The following ALG6 variants were observed in gnomAD, a reference collection of about 807,000 sequenced individuals.
ALG6 encodes the protein dolichyl pyrophosphate Man9GlcNAc2 alpha-1,3-glucosyltransferase.
Under a neutral mutation model 66.6 loss-of-function variants are expected in ALG6, and 46 were observed. The observed-to-expected ratio is 0.69, with a 90% CI of 0.55 to 0.88. The LOEUF is 0.88. Ranked by LOEUF, ALG6 falls within the 40% of genes least tolerant of loss-of-function variation. The probability of loss-of-function intolerance (pLI) is 0.00; values close to 1 mark genes in which losing one functional copy is unlikely to be tolerated. For missense variants in ALG6, 505 were observed against 586.8 expected (o/e 0.86, Z 1.44); for synonymous variants, 185 against 203.7 (o/e 0.91, Z 0.78).
chr1:63,433,505 G>T lies in ALG6; in HGVS notation c.1327-3318G>T, dbSNP rs1644659605. On this transcript the variant is annotated intron_variant, in intron 14 of 14. Coordinates refer to ENST00000263440, the MANE Select transcript of ALG6 (RefSeq NM_013339.4). The surrounding 1 kb of genome is among the most constrained non-coding windows in gnomAD (Gnocchi z 4.2). The stretch of plus-strand genomic sequence containing the variant: ...AGGTAGGAAGTTAAGAGGTGAACAG[G>T]AAAGACAAGGAGAGGATTAACTTTA... 6.6e-6 allele frequency among the ~76,000 whole-genome samples: 1 copy of T among 152,126 alleles called. No homozygotes were observed. Among genetic ancestry groups the T allele is most frequent in the Non-Finnish European group, 1.5e-5 (1 of 68,016 alleles).
chr1:63,400,908 A>G (rs1644461882), intron 3 of ALG6, among the ~76,000 whole-genome samples: 2 of 152,196 alleles, frequency 1.3e-5, no homozygotes, highest in Non-Finnish European at 2.9e-5. Flanking sequence ...AGTAACATGA[A>G]TTTGGAAATG....
intron 2 of ALG6, among the ~76,000 whole-genome samples, chr1:63,387,091 G>A (rs1454617896): frequency 2.6e-5 from 4 of 152,298 alleles, no homozygotes; most frequent in East Asian, 3.9e-4. Flanking sequence ...TGTTTGCACT[G>A]TTTCCAAAAT....
intron 7 of ALG6, 87 bp downstream of exon 7, chr1:63,407,213 T>G: frequency 1.1e-6 from 1 of 929,288 alleles, no homozygotes; most frequent in East Asian, 2.4e-5. Context: ...TAGTAATGTC[T>G]TATTTGATAG....
chr1:63,436,731 A>C, intron 14 of ALG6, 92 bp from the exon 15 acceptor site: 1 of 1,255,374 alleles, frequency 8.0e-7, no homozygotes, highest in Non-Finnish European at 1.2e-6. Flanking sequence ...CCTCACCTTT[A>C]ATTCTGCTCA....
At chr1:63,373,789 T>A (rs1570030275) in intron 2 of ALG6, among the ~76,000 whole-genome samples, 2 of 151,488 alleles carry the variant, frequency 1.3e-5, no homozygotes, top group Admixed American at 6.6e-5. Context: ...TCTGGCTAAT[T>A]GTTTTGATTT....
intron 12 of ALG6, among the ~76,000 whole-genome samples, chr1:63,422,148 AATATAAAT>A (rs1480060273): frequency 4.8e-5 from 3 of 62,702 alleles, no homozygotes; most frequent in East Asian, 6.9e-4. Context: ...AATATATATA[AATATAAAT>A]ATATATATAA....
At chr1:63,404,684 A>G in intron 5 of ALG6, 143 bp downstream of exon 5, 2 of 722,968 alleles carry the variant, frequency 2.8e-6, no homozygotes, top group South Asian at 1.6e-5. Flanking sequence ...ACATATTTGT[A>G]TACATGATCC....
intron 2 of ALG6, among the ~76,000 whole-genome samples, chr1:63,386,912 A>G (rs1447768636): frequency 6.6e-6 from 1 of 152,082 alleles, no homozygotes; most frequent in Non-Finnish European, 1.5e-5. Context: ...CTTTTTTGAC[A>G]TAGGCACTTA....
intron 8 of ALG6, among the ~76,000 whole-genome samples, chr1:63,411,538 G>T (rs1644516176): frequency 6.6e-6 from 1 of 152,104 alleles, no homozygotes; most frequent in Admixed American, 6.6e-5. Flanking sequence ...TTCAATTCAT[G>T]TATATTTACT....
Position 63,404,616 on chromosome 1 carries a change from ATTG to A in ALG6, c.346+78_346+80del, listed in dbSNP as rs1644481658. The A allele has an allele frequency of 5.0e-6, 6 of 1,199,840 alleles. No homozygotes were observed. In the African/African-American group the frequency reaches 7.7e-5, roughly 15 times the overall value. 74.3% of individuals were successfully genotyped at this position (1,199,840 alleles called of 1,614,324 possible). Reference sequence around the variant, plus strand: ...TGGACAAACTGGTAAAGGTACTATTATTGTTCTTACTGACTTTAAAATTGTGCA... The same window carrying A: ...TGGACAAACTGGTAAAGGTACTATTATTCTTACTGACTTTAAAATTGTGCA... On this transcript the variant is annotated intron_variant, in intron 5 of 14. Transcript: ENST00000263440.
chr1:63,429,563 G>T (rs944149321), intron 14 of ALG6: 1 of 161,268 alleles, frequency 6.2e-6, no homozygotes, highest in Non-Finnish European at 1.4e-5. Context: ...CTACCATCAG[G>T]GTTGGTTTCT....
chr1:63,435,643 A>G (rs192104515), intron 14 of ALG6, among the ~76,000 whole-genome samples: 114 of 152,240 alleles, frequency 7.5e-4, no homozygotes, highest in African/African-American at 2.7e-3. Flanking sequence ...AATGAGTAAG[A>G]TCTTGCTGGT....
At chr1:63,416,711 A>G (rs935991311) in intron 11 of ALG6, among the ~76,000 whole-genome samples, 4 of 152,148 alleles carry the variant, frequency 2.6e-5, no homozygotes, top group Non-Finnish European at 4.4e-5. Flanking sequence ...CAGTTTGAAG[A>G]TGGACTAGGT....
intron 10 of ALG6, among the ~76,000 whole-genome samples, chr1:63,415,387 C>T (rs914495446): frequency 6.6e-6 from 1 of 152,146 alleles, no homozygotes; most frequent in Non-Finnish European, 1.5e-5. Context: ...CTTCCTGCTC[C>T]CTTTCCACCT....
At position 63,388,006 on chromosome 1, in the gene ALG6, C is replaced by T. The variant is rs530614917; in HGVS notation, c.83-8507C>T. Among the ~76,000 whole-genome samples, 164 of 152,198 alleles carry T rather than the reference C, an allele frequency of 1.1e-3. 1 individual carries two copies. Among genetic ancestry groups the T allele is most frequent in the Non-Finnish European group, 2.2e-4 (15 of 68,022 alleles). On this transcript the variant is annotated intron_variant, in intron 2 of 14. Transcript: ENST00000263440. ...AATGAAGTATGTTTCTTGTAGGCAACAGACTGTTCAAGCGATTCTCTTGCC... is the reference window on the plus strand; with the variant it reads ...AATGAAGTATGTTTCTTGTAGGCAATAGACTGTTCAAGCGATTCTCTTGCC...
intron 8 of ALG6, 27 bp from the exon 9 acceptor site, chr1:63,411,899 T>C (rs945007225): frequency 8.7e-6 from 14 of 1,613,870 alleles, no homozygotes; most frequent in Non-Finnish European, 1.1e-5. Context: ...TTCCCTATCT[T>C]ACTGCCTACC....
At chr1:63,422,160 T>TATCTATATGA (rs1644579038) in intron 12 of ALG6, among the ~76,000 whole-genome samples, 2 of 103,978 alleles carry the variant, frequency 1.9e-5, no homozygotes, top group Non-Finnish European at 3.7e-5. Context: ...TATAAATATA[T>TATCTATATGA]ATATAACTAT....
At chr1:63,412,336 T>C (rs1644521071) in intron 9 of ALG6, among the ~76,000 whole-genome samples, 1 of 152,118 alleles carries the variant, frequency 6.6e-6, no homozygotes, top group African/African-American at 2.4e-5. Flanking sequence ...GCCTCCCAAG[T>C]AGCTGGGACA....
intron 5 of ALG6, among the ~76,000 whole-genome samples, chr1:63,405,801 G>T (rs981819865): frequency 1.3e-5 from 2 of 151,924 alleles, no homozygotes; most frequent in Admixed American, 6.6e-5. Flanking sequence ...CTAAAGGACT[G>T]CATGTTCAAA....
Sources: allele counts gnomAD v4.1 joint callset (sites outside exome capture counted in the v4.1 genomes callset), GRCh38; gene constraint gnomAD v4.1.1; non-coding constraint Gnocchi (gnomAD v3.1); transcripts MANE v1.5; gene names NCBI Gene and HGNC (gene_info 2026-07-23, HGNC 2026-07-21).